Variants in JPH3 observed in about 807,000 individuals in gnomAD.
JPH3 encodes junctophilin 3, also known as junctophilin-3.
Under a neutral mutation model 59.6 loss-of-function variants are expected in JPH3, and 11 were observed. The observed-to-expected ratio is 0.18, with a 90% CI of 0.12 to 0.31. The LOEUF is 0.31. Among genes scored for constraint, JPH3 ranks in the 10% least tolerant of loss-of-function variants. JPH3 has a pLI of 1.00. For missense variants in JPH3, 1,202 were observed against 1,105.7 expected (o/e 1.09, Z -1.24); for synonymous variants, 673 against 483.6 (o/e 1.39, Z -5.14).
intron 1 of JPH3, among the ~76,000 whole-genome samples, chr16:87,624,735 C>G (rs777301119): frequency 6.6e-6 from 1 of 152,190 alleles, no homozygotes; most frequent in Non-Finnish European, 1.5e-5. Context: ...CTGGGTCGCT[C>G]TGGGCCCAAC....
intron 1 of JPH3, among the ~76,000 whole-genome samples, chr16:87,625,316 G>A (rs946727867): frequency 1.3e-5 from 2 of 152,176 alleles, no homozygotes; most frequent in Non-Finnish European, 2.9e-5. Context: ...GGGCAGGTGG[G>A]TCATTCCTGA....
intron 2 of JPH3, among the ~76,000 whole-genome samples, chr16:87,679,384 C>T (rs11862058): frequency 0.037 from 5,569 of 152,262 alleles, 338 homozygotes; most frequent in African/African-American, 0.13. Context: ...TCTTTAACAA[C>T]CCAGCCTGGG....
intron 3 of JPH3, chr16:87,684,539 A>G (rs2033371085): frequency 4.5e-6 from 2 of 442,306 alleles, no homozygotes; most frequent in Admixed American, 3.8e-5. Context: ...GCTGTCCCTG[A>G]CGGTGAATTC....
chr16:87,638,470 G>T (rs957103116), intron 1 of JPH3, among the ~76,000 whole-genome samples: 1 of 152,134 alleles, frequency 6.6e-6, no homozygotes, highest in Non-Finnish European at 1.5e-5. Context: ...ATGATCCACA[G>T]ACCAGGACTG....
intron 1 of JPH3, among the ~76,000 whole-genome samples, chr16:87,613,207 C>T (rs1290405441): frequency 1.3e-5 from 2 of 150,826 alleles, no homozygotes; most frequent in Non-Finnish European, 3.0e-5. Context: ...CGCCATTCTC[C>T]TGCCTCAGCC....
intron 1 of JPH3, among the ~76,000 whole-genome samples, chr16:87,640,991 C>T (rs2031930436): frequency 1.3e-5 from 2 of 152,236 alleles, no homozygotes; most frequent in Admixed American, 1.3e-4. Context: ...TTCCTCCTCA[C>T]AACCCCAGCC....
chr16:87,637,835 T>C (rs947579922), intron 1 of JPH3, among the ~76,000 whole-genome samples: 6 of 151,978 alleles, frequency 3.9e-5, no homozygotes, highest in African/African-American at 1.5e-4. Context: ...CGAGCTCCAG[T>C]TGGGGGTGTG....
rs149948089 is a variant in JPH3, at chr16:87,644,412, C to G, written c.537C>G (p.Pro179=). ...ACACCAACGGCACGGCGCTGCATCC[C>G]GACGCCTCTCCGGCGGTGGCCGGCA... is the stretch of plus-strand genomic sequence containing the variant. ...SEHTNGTALH[P]DASPAVAGSP... is the part of the protein sequence containing the mutation. Residue 179 remains proline, a synonymous_variant, in exon 2 of 5, where the codon CCC becomes CCG. Coordinates refer to ENST00000284262, the MANE Select transcript of JPH3 (RefSeq NM_020655.4). 6 of 1,612,364 alleles carry G rather than the reference C, an allele frequency of 3.7e-6. No homozygotes were observed. Among genetic ancestry groups the G allele is most frequent in the Admixed American group, 1.7e-5 (1 of 59,990 alleles).
At position 87,675,183 on chromosome 16, in the gene JPH3, C is replaced by T. The variant is rs529543239; in HGVS notation, c.1161-8959C>T. ...CCAGCTGGCAGAAGCTTTCACCCCCCGCCCCTCCCCCGCCGTTTCCCCGAC... is the reference window on the plus strand; with the variant it reads ...CCAGCTGGCAGAAGCTTTCACCCCCTGCCCCTCCCCCGCCGTTTCCCCGAC... On this transcript the variant is annotated intron_variant, in intron 2 of 4. Coordinates refer to ENST00000284262, the MANE Select transcript of JPH3 (RefSeq NM_020655.4). Among the ~76,000 whole-genome samples, 170 of 146,192 alleles carry T rather than the reference C, an allele frequency of 1.2e-3. 1 individual carries two copies. The highest frequency in any genetic ancestry group is 1.8e-3 in the Non-Finnish European group (122 of 66,198).
At position 87,636,638 on chromosome 16, in the gene JPH3, T is replaced by C. The variant is rs780366333; in HGVS notation, c.383-7620T>C. ...AGTCACGGCAGAACTGAAGGCCGTG[T>C]GCTTTCGTGTAGCCAAACCCCTTTT... On this transcript the variant is annotated intron_variant, in intron 1 of 4. Transcript: ENST00000284262. Among the ~76,000 whole-genome samples, 56 of 152,338 alleles carry C rather than the reference T, an allele frequency of 3.7e-4. 1 individual carries two copies. Among genetic ancestry groups the C allele is most frequent in the Admixed American group, 8.5e-4 (13 of 15,306 alleles).
chr16:87,650,355 C>T (rs998806220), intron 2 of JPH3, among the ~76,000 whole-genome samples: 1 of 152,216 alleles, frequency 6.6e-6, no homozygotes, highest in African/African-American at 2.4e-5. Context: ...GACCAATCCT[C>T]CAACCAGCCG....
intron 1 of JPH3, chr16:87,604,194 G>A (rs1011603243): frequency 2.0e-5 from 28 of 1,412,780 alleles, no homozygotes; most frequent in South Asian, 1.5e-4. Flanking sequence ...TGGCTGCATC[G>A]TTTTCACCAT....
chr16:87,640,470 A>G (rs1235357505), intron 1 of JPH3, among the ~76,000 whole-genome samples: 1 of 151,602 alleles, frequency 6.6e-6, no homozygotes, highest in African/African-American at 2.4e-5. Flanking sequence ...TGCTCACTGT[A>G]ACCTCCACCT....
Position 87,602,603 on chromosome 16 carries a change from C to T in JPH3, c.-544C>T, listed in dbSNP as rs2150816347. On this transcript the variant is annotated 5_prime_UTR_variant, in exon 1 of 5. Transcript: ENST00000284262. ...TTGCTGCTGCTGCTGCCGCCGCCGC[C>T]CCGCGCCCGGCCCGCGGCCCCCAAT... Among the ~76,000 whole-genome samples, 1 of 141,772 alleles carries T rather than the reference C, an allele frequency of 7.1e-6. No homozygotes were observed. The highest frequency in any genetic ancestry group is 1.6e-5 in the Non-Finnish European group (1 of 64,050). The allele number at this position is 141,772 out of a possible 152,430, so 93.0% of individuals were successfully genotyped here.
At chr16:87,624,222 T>C (rs1358193822) in intron 1 of JPH3, among the ~76,000 whole-genome samples, 2 of 152,258 alleles carry the variant, frequency 1.3e-5, no homozygotes, top group Non-Finnish European at 2.9e-5. Context: ...CAGTGGTTTC[T>C]AGAATATTCA....
At chr16:87,688,014 G>C (rs1286336277) in intron 3 of JPH3, among the ~76,000 whole-genome samples, 1 of 152,198 alleles carries the variant, frequency 6.6e-6, no homozygotes, top group Non-Finnish European at 1.5e-5. Flanking sequence ...CTCCACACAG[G>C]ACCCTCACGG....
At chr16:87,675,391 A>G (rs1597282657) in intron 2 of JPH3, among the ~76,000 whole-genome samples, 1 of 152,152 alleles carries the variant, frequency 6.6e-6, no homozygotes, top group South Asian at 2.1e-4. Flanking sequence ...CTCCCCGTCC[A>G]GCCTTCCTCT....
At chr16:87,683,898 G>T in intron 2 of JPH3, 2 of 497,746 alleles carry the variant, frequency 4.0e-6, no homozygotes, top group Non-Finnish European at 3.6e-6. Context: ...GAGCCACCAT[G>T]CCCTGCCCAG....
intron 2 of JPH3, among the ~76,000 whole-genome samples, chr16:87,649,787 A>T (rs566541970): frequency 6.5e-5 from 5 of 77,128 alleles, no homozygotes; most frequent in Admixed American, 1.3e-4. Context: ...AGGGTGAAGG[A>T]GACATCTCAA....
Sources: allele counts gnomAD v4.1 joint callset (sites outside exome capture counted in the v4.1 genomes callset), GRCh38; gene constraint gnomAD v4.1.1; transcripts MANE v1.5; gene names NCBI Gene and HGNC (gene_info 2026-07-23, HGNC 2026-07-21).